The following TLE4 variants were observed in gnomAD, a reference collection of about 807,000 sequenced individuals.
TLE4 encodes the protein transducin-like enhancer protein 4.
TLE4 carries 8 observed loss-of-function variants against 92.8 expected under a neutral mutation model. The observed-to-expected ratio is 0.09, with a 90% CI of 0.05 to 0.16. The LOEUF (loss-of-function observed/expected upper bound fraction) is 0.16. TLE4 is among the 10% of genes least tolerant of loss of function. The pLI, the probability that TLE4 is intolerant of heterozygous loss-of-function variation, is 1.00. For missense variants in TLE4, 675 were observed against 997.6 expected (o/e 0.68, Z 4.36); for synonymous variants, 371 against 374.1 (o/e 0.99, Z 0.10).
chr9:79,721,968 C>T, intron 17 of TLE4, 80 bp downstream of exon 17: 4 of 1,530,762 alleles, frequency 2.6e-6, no homozygotes, highest in Non-Finnish European at 2.6e-6. Flanking sequence ...GAATCGAGAC[C>T]ATCCTGGCCA....
intron 19 of TLE4, among the ~76,000 whole-genome samples, chr9:79,723,804 G>A (rs1009878333): frequency 1.3e-5 from 2 of 152,222 alleles, no homozygotes; most frequent in East Asian, 1.9e-4. Flanking sequence ...GACAAAAAAC[G>A]CCAATTGTTG....
intron 14 of TLE4, 31 bp from the exon 15 acceptor site, chr9:79,718,691 C>G: frequency 1.9e-6 from 3 of 1,586,900 alleles, no homozygotes; most frequent in Non-Finnish European, 2.6e-6. Flanking sequence ...TTTACATTCC[C>G]CTCTTTCTTT....
intron 5 of TLE4, among the ~76,000 whole-genome samples, chr9:79,626,422 C>T (rs1169436061): frequency 2.0e-5 from 3 of 152,154 alleles, no homozygotes; most frequent in Admixed American, 2.0e-4. Context: ...GGCGCAGTTC[C>T]TTTGGTTCTT....
At chr9:79,667,228 A>T (rs1486474987) in intron 8 of TLE4, among the ~76,000 whole-genome samples, 1 of 152,148 alleles carries the variant, frequency 6.6e-6, no homozygotes, top group African/African-American at 2.4e-5. Flanking sequence ...CTGGGTACCC[A>T]GCTCATGGTG....
chr9:79,577,555 A>T (rs1564090334), intron 4 of TLE4, among the ~76,000 whole-genome samples: 1 of 152,176 alleles, frequency 6.6e-6, no homozygotes, highest in African/African-American at 2.4e-5. Context: ...AAATCTGTTC[A>T]ATCTTGTGGA....
At chr9:79,629,471 C>T (rs2133613618) in intron 6 of TLE4, among the ~76,000 whole-genome samples, 1 of 152,236 alleles carries the variant, frequency 6.6e-6, no homozygotes, top group Non-Finnish European at 1.5e-5. Context: ...AAGTTACTGA[C>T]ATATTGTGTT....
intron 16 of TLE4, 99 bp downstream of exon 16, chr9:79,720,392 G>A (rs1266596709): frequency 3.5e-6 from 4 of 1,146,484 alleles, no homozygotes; most frequent in African/African-American, 1.7e-5. Flanking sequence ...GTGTGTGTGT[G>A]TGTGTGTGTG....
chr9:79,607,500 T>C (rs1159912903), intron 4 of TLE4, among the ~76,000 whole-genome samples: 1 of 152,144 alleles, frequency 6.6e-6, no homozygotes, highest in Non-Finnish European at 1.5e-5. Context: ...GTTTTTATGG[T>C]GTTAGGTCTT....
chr9:79,685,807 A>G (rs1374529801), intron 8 of TLE4, among the ~76,000 whole-genome samples: 6 of 152,172 alleles, frequency 3.9e-5, no homozygotes, highest in African/African-American at 1.4e-4. Flanking sequence ...TGTATTAAAA[A>G]TGTCTTGAGT....
At chr9:79,606,846 T>A (rs1304670153) in intron 4 of TLE4, among the ~76,000 whole-genome samples, 1 of 152,194 alleles carries the variant, frequency 6.6e-6, no homozygotes, top group Non-Finnish European at 1.5e-5. Flanking sequence ...TATGTGTGCA[T>A]GTGTCTTTAT....
intron 4 of TLE4, among the ~76,000 whole-genome samples, chr9:79,587,935 T>G (rs779702275): frequency 1.3e-5 from 2 of 152,168 alleles, no homozygotes; most frequent in East Asian, 3.9e-4. Flanking sequence ...GAGGAAGGGA[T>G]CTGATTATCC....
intron 4 of TLE4, among the ~76,000 whole-genome samples, chr9:79,604,888 C>G (rs891485883): frequency 1.3e-5 from 2 of 152,052 alleles, no homozygotes; most frequent in African/African-American, 4.8e-5. Context: ...ACTCTGGGAA[C>G]AAGGAGTATC....
rs750657738 is a variant in TLE4, at chr9:79,652,773, C to T, written c.571C>T (p.His191Tyr). Residue 191 changes from histidine to tyrosine, a missense_variant, in exon 7 of 20, where the codon CAT becomes TAT. This residue lies in a region of TLE4 where 280 missense variants were observed against 287.3 expected (regional missense o/e 0.97). Transcript: ENST00000376552. ...TCCAATTAAAGATGAGAAGAAGCAC[C>T]ATGACAATGATCACCAAAGAGGTGA... ...HLPIKDEKKH[H>Y]DNDHQRDRDS... The T allele has an allele frequency of 6.2e-7, 1 of 1,614,136 alleles. No homozygotes were observed. The highest frequency in any genetic ancestry group is 8.5e-7 in the Non-Finnish European group (1 of 1,180,012).
Position 79,726,793 on chromosome 9 carries a change from C to A in TLE4, c.*1649C>A, listed in dbSNP as rs1162768423. The stretch of plus-strand genomic sequence containing the variant: ...TTGATGACATTAGTTTATTTTTTAT[C>A]TTTGGCTGTGCCACTCCTATATATT... On this transcript the variant is annotated 3_prime_UTR_variant, in exon 20 of 20. Coordinates refer to ENST00000376552, the MANE Select transcript of TLE4 (RefSeq NM_007005.6). 2 of 152,478 alleles carry A rather than the reference C, an allele frequency of 1.3e-5. No individual in the cohort carries two copies. The highest frequency in any genetic ancestry group is 6.6e-5 in the Admixed American group (1 of 15,260). The allele number at this position is 152,478 out of a possible 1,614,324, so 9.4% of individuals were successfully genotyped here.
chr9:79,693,260 G>T (rs1054611140), intron 8 of TLE4, among the ~76,000 whole-genome samples: 2 of 152,040 alleles, frequency 1.3e-5, no homozygotes, highest in Admixed American at 6.6e-5. Context: ...TTTTCCATCT[G>T]CCTGCTAGCA....
intron 10 of TLE4, 76 bp from the exon 11 acceptor site, chr9:79,706,671 G>A: frequency 6.6e-7 from 1 of 1,525,864 alleles, no homozygotes; most frequent in South Asian, 1.3e-5. Flanking sequence ...CTTTTGGCTA[G>A]AAATGTCCAC....
intron 8 of TLE4, among the ~76,000 whole-genome samples, chr9:79,699,513 G>A (rs2069186602): frequency 6.6e-6 from 1 of 152,170 alleles, no homozygotes; most frequent in East Asian, 1.9e-4. Context: ...AATTACCCTT[G>A]ACATATTTTA....
intron 4 of TLE4, among the ~76,000 whole-genome samples, chr9:79,598,000 A>T (rs941658554): frequency 4.1e-5 from 6 of 147,042 alleles, no homozygotes; most frequent in Admixed American, 2.1e-4. Flanking sequence ...TGGGAGGCTG[A>T]GGCAGGCGGA....
chr9:79,724,701 G>A (rs981815265), intron 19 of TLE4, among the ~76,000 whole-genome samples: 2 of 151,780 alleles, frequency 1.3e-5, no homozygotes, highest in Non-Finnish European at 2.9e-5. Flanking sequence ...TGAAAATTAG[G>A]TGTGATTGGA....
Sources: gnomAD v4.1 joint callset for allele counts (sites outside exome capture counted in the v4.1 genomes callset) on GRCh38, gnomAD v4.1.1 for gene constraint, gnomAD v4.1.1 regional missense constraint, MANE v1.5 for transcripts, NCBI Gene and HGNC (gene_info 2026-07-23, HGNC 2026-07-21) for gene names.